NFATC2: variants seen among roughly 807,000 people sequenced by gnomAD.
NFATC2 encodes nuclear factor of activated T-cells, cytoplasmic 2.
In NFATC2, 22 loss-of-function variants were observed where a neutral mutation model predicts 87.3. The observed-to-expected ratio is 0.25, with a 90% CI of 0.18 to 0.36. The LOEUF (loss-of-function observed/expected upper bound fraction) is 0.36, where lower values mean the gene tolerates loss of function less well. NFATC2 is among the 10% of genes least tolerant of loss of function. The probability of loss-of-function intolerance (pLI) is 1.00; values close to 1 mark genes in which losing one functional copy is unlikely to be tolerated. For missense variants in NFATC2, 1,149 were observed against 1,259.1 expected, an observed-to-expected ratio of 0.91 and a Z score of 1.32; for synonymous variants, 565 against 542.2, an observed-to-expected ratio of 1.04 and a Z score of -0.58.
At chr20:51,403,860 T>A (rs1988299720) in intron 9 of NFATC2, among the ~76,000 whole-genome samples, 1 of 152,140 alleles carries the variant, frequency 6.6e-6, no homozygotes. Context: ...ACTAAGTCTA[T>A]GATATTTTGT....
At chr20:51,417,279 A>G (rs1447299529) in intron 9 of NFATC2, among the ~76,000 whole-genome samples, 8 of 152,132 alleles carry the variant, frequency 5.3e-5, no homozygotes, top group Admixed American at 2.6e-4. Context: ...CACTCCCTCC[A>G]AAACTTCAAC....
chr20:51,463,916 C>T (rs1158072442), intron 5 of NFATC2, among the ~76,000 whole-genome samples: 1 of 152,110 alleles, frequency 6.6e-6, no homozygotes, highest in Non-Finnish European at 1.5e-5. Context: ...CATAAGTAGC[C>T]CAGTAAAGGG....
At chr20:51,395,605 GA>G (rs1468311643) in intron 10 of NFATC2, among the ~76,000 whole-genome samples, 34 of 151,172 alleles carry the variant, frequency 2.2e-4, no homozygotes, top group Non-Finnish European at 4.6e-4. Context: ...TGATCTCACA[GA>G]GGTGCCCTAA....
At chr20:51,520,047 C>T (rs1431132332) in intron 2 of NFATC2, among the ~76,000 whole-genome samples, 1 of 152,110 alleles carries the variant, frequency 6.6e-6, no homozygotes, top group East Asian at 1.9e-4. Flanking sequence ...TCCCTGATGC[C>T]CCATCCTCTC....
chr20:51,530,432 G>A lies in NFATC2; in HGVS notation c.131-6322C>T, dbSNP rs888386059. Among the ~76,000 whole-genome samples the A allele has an allele frequency of 3.3e-5, 5 of 152,176 alleles. No individual in the cohort carries two copies. The South Asian group carries it at 6.2e-4, about 19-fold the overall frequency. ...GATCTGCCCACCTCGGCCTGCCAAA[G>A]TGCTGGGATTACAGGCATTAGCCAC... On this transcript the variant is annotated intron_variant, in intron 1 of 10. Coordinates refer to ENST00000371564, the MANE Select transcript of NFATC2 (RefSeq NM_012340.5).
intron 9 of NFATC2, among the ~76,000 whole-genome samples, chr20:51,419,796 C>T (rs1980607162): frequency 6.6e-6 from 1 of 152,174 alleles, no homozygotes; most frequent in South Asian, 2.1e-4. Flanking sequence ...TTCCCCTTCT[C>T]ACGTGTAGGA....
chr20:51,400,395 A>G (rs1357419721), intron 9 of NFATC2, among the ~76,000 whole-genome samples: 1 of 150,706 alleles, frequency 6.6e-6, no homozygotes, highest in Non-Finnish European at 1.5e-5. Flanking sequence ...TCTTCAGACC[A>G]TCCACCCAGA....
rs2076485039 is a variant in NFATC2 at position 51,523,423 on chromosome 20, C to T, written c.818G>A (p.Arg273Gln). ...AGATGAGGGCTGCGGCGAGGGGCTC[C>T]GGGAGCGCTGGGGTGAGGCTCCGGG... ...LPPGASPQRS[R>Q]SPSPQPSSHV... The change falls in exon 2 of 11, where the codon CGG (arginine) becomes CAG (glutamine). Residue 273 changes from arginine to glutamine, a missense_variant. By Grantham distance (43) the Arg-to-Gln change is conservative. Transcript: ENST00000371564. The surrounding 1 kb of genome is among the most constrained non-coding windows in gnomAD (Gnocchi z 6.9). 6.2e-7 allele frequency: 1 copy of T among 1,608,348 alleles called. No homozygotes were observed. The highest frequency in any genetic ancestry group is 8.5e-7 in the Non-Finnish European group (1 of 1,177,266).
At chr20:51,555,288 A>G (rs1601019169) in intron 1 of NFATC2, among the ~76,000 whole-genome samples, 2 of 152,278 alleles carry the variant, frequency 1.3e-5, no homozygotes, top group East Asian at 3.9e-4. Flanking sequence ...AATGAACTTC[A>G]GACTCCTTAC....
chr20:51,545,619 G>C (rs1273107420), upstream of NFATC2, among the ~76,000 whole-genome samples: 1 of 152,050 alleles, frequency 6.6e-6, no homozygotes, highest in Non-Finnish European at 1.5e-5. Context: ...TAGATGGGTG[G>C]ATGGATGGAT....
At chr20:51,532,848 G>A (rs1396763982) in intron 1 of NFATC2, among the ~76,000 whole-genome samples, 3 of 152,264 alleles carry the variant, frequency 2.0e-5, no homozygotes, top group Non-Finnish European at 2.9e-5. Context: ...GGGGCACAGG[G>A]AGGGGCAGAG....
At chr20:51,468,149 C>G (rs904372982) in intron 5 of NFATC2, among the ~76,000 whole-genome samples, 21 of 152,178 alleles carry the variant, frequency 1.4e-4, no homozygotes, top group Admixed American at 6.5e-4. Flanking sequence ...ACAGCGCTGC[C>G]TCCGTGTGTG....
At position 51,456,402 on chromosome 20, in the gene NFATC2, A is replaced by T. The variant is rs907787435; in HGVS notation, c.1709-1714T>A. 2.0e-5 allele frequency among the ~76,000 whole-genome samples: 3 copies of T among 152,142 alleles called. No homozygotes were observed. In the East Asian group the frequency reaches 5.8e-4, roughly 29 times the overall value. ...GAGTAAAGTCACCGCTTGGCCAAGGATCCATGGTGAAGCTTACATTTGAAC... is the reference window on the plus strand; with the variant it reads ...GAGTAAAGTCACCGCTTGGCCAAGGTTCCATGGTGAAGCTTACATTTGAAC... On this transcript the variant is annotated intron_variant, in intron 5 of 10. Coordinates refer to ENST00000371564, the MANE Select transcript of NFATC2 (RefSeq NM_012340.5).
intron 9 of NFATC2, among the ~76,000 whole-genome samples, chr20:51,413,524 G>A (rs1405146871): frequency 1.3e-5 from 2 of 152,200 alleles, no homozygotes; most frequent in African/African-American, 4.8e-5. Flanking sequence ...TTGGGAGGCT[G>A]AGCTGGGAGG....
chr20:51,409,182 A>G (rs1474348205), intron 9 of NFATC2, among the ~76,000 whole-genome samples: 1 of 152,214 alleles, frequency 6.6e-6, no homozygotes, highest in Non-Finnish European at 1.5e-5. Context: ...ATCGTCTACT[A>G]AAGTTGGAAG....
chr20:51,455,186 T>C (rs564005064), intron 5 of NFATC2, among the ~76,000 whole-genome samples: 2 of 152,340 alleles, frequency 1.3e-5, no homozygotes, highest in East Asian at 3.9e-4. Flanking sequence ...TTGGAATTCA[T>C]TTATGATCTT....
intron 9 of NFATC2, among the ~76,000 whole-genome samples, chr20:51,415,449 G>A (rs1979919585): frequency 6.6e-6 from 1 of 152,062 alleles, no homozygotes; most frequent in African/African-American, 2.4e-5. Flanking sequence ...CCTGAAGACA[G>A]ATGAGGCTTA....
intron 9 of NFATC2, among the ~76,000 whole-genome samples, chr20:51,428,472 C>A (rs1432927348): frequency 2.0e-5 from 3 of 152,190 alleles, no homozygotes; most frequent in African/African-American, 7.2e-5. Context: ...GCAGAAGGAG[C>A]GCCTTGGTGT....
chr20:51,491,877 TACACACACACACACACACAC>T, intron 3 of NFATC2, among the ~76,000 whole-genome samples: 1 of 57,410 alleles, frequency 1.7e-5, no homozygotes, highest in South Asian at 7.0e-4. Flanking sequence ...CACATACACA[TACACACACACACACACACAC>T]ACACACACAC....
Sources: allele counts gnomAD v4.1 joint callset (sites outside exome capture counted in the v4.1 genomes callset), GRCh38; gene constraint gnomAD v4.1.1; non-coding constraint Gnocchi (gnomAD v3.1); transcripts MANE v1.5; gene names NCBI Gene and HGNC (gene_info 2026-07-23, HGNC 2026-07-21).